The following GRIN2A variants were observed in gnomAD, a reference collection of about 807,000 sequenced individuals.
GRIN2A encodes glutamate ionotropic receptor NMDA type subunit 2A.
GRIN2A carries 22 observed loss-of-function variants against 113.4 expected under a neutral mutation model. That is an observed-to-expected ratio of 0.19 (90% confidence interval 0.14 to 0.28). The LOEUF is 0.28. Among genes scored for constraint, GRIN2A ranks in the 10% least tolerant of loss-of-function variants. GRIN2A has a pLI of 1.00. For synonymous variants in GRIN2A, 827 were observed against 738.4 expected (o/e 1.12, Z -1.94); for missense variants, 1,502 against 1,887.0 (o/e 0.80, Z 3.78).
chr16:9,901,320 A>C (rs9923240), intron 3 of GRIN2A, among the ~76,000 whole-genome samples: 49,070 of 152,010 alleles, frequency 0.32, 9,934 homozygotes, highest in African/African-American at 0.58. Flanking sequence ...TGTGAATTAC[A>C]ACTAGACATC....
At chr16:10,121,136 C>T (rs1217008556) in intron 2 of GRIN2A, among the ~76,000 whole-genome samples, 1 of 152,144 alleles carries the variant, frequency 6.6e-6, no homozygotes, top group East Asian at 1.9e-4. Flanking sequence ...GTGGGGCAAC[C>T]ACAAAGATTG....
chr16:9,981,423 G>GA (rs1396177623), intron 2 of GRIN2A, among the ~76,000 whole-genome samples: 1 of 152,082 alleles, frequency 6.6e-6, no homozygotes, highest in Non-Finnish European at 1.5e-5. Context: ...ATAGAAAACA[G>GA]AAAAAATAGT....
chr16:10,166,991 T>A (rs1184567284), intron 2 of GRIN2A, among the ~76,000 whole-genome samples: 1 of 152,216 alleles, frequency 6.6e-6, no homozygotes, highest in Non-Finnish European at 1.5e-5. Context: ...TTGTATTAAT[T>A]GACTGTCTAT....
chr16:10,165,844 C>T (rs1280158105), intron 2 of GRIN2A, among the ~76,000 whole-genome samples: 1 of 151,584 alleles, frequency 6.6e-6, no homozygotes, highest in East Asian at 1.9e-4. Context: ...AGAGGAAAAA[C>T]TAGTATCAAT....
At chr16:10,053,527 C>T (rs369935837) in intron 2 of GRIN2A, among the ~76,000 whole-genome samples, 4 of 152,150 alleles carry the variant, frequency 2.6e-5, no homozygotes, top group Non-Finnish European at 4.4e-5. Flanking sequence ...CTGTGAGTGA[C>T]GAATGAAGCA....
intron 2 of GRIN2A, among the ~76,000 whole-genome samples, chr16:9,955,446 C>T (rs750510280): frequency 6.6e-5 from 10 of 152,182 alleles, no homozygotes; most frequent in Non-Finnish European, 8.8e-5. Context: ...GGCAAATTTC[C>T]GCTCTTCCAT....
rs1181260387 is a variant in GRIN2A, at chr16:10,180,448, G to A, written c.-18-19C>T. 1.3e-6 allele frequency: 2 copies of A among 1,594,226 alleles called. No homozygotes were observed. The highest frequency in any genetic ancestry group is 1.7e-6 in the Non-Finnish European group (2 of 1,176,044). The stretch of plus-strand genomic sequence containing the variant: ...ACGGTCCCTGCAAGGTGAAGAGTGA[G>A]AGGCAGGGCCGCGGTGAGCAAGGCG... On this transcript the variant is annotated intron_variant, in intron 1 of 12. Transcript: ENST00000330684. This position sits in a 1 kb window ranked among gnomAD's most constrained non-coding sequence, Gnocchi z 7.0.
intron 2 of GRIN2A, among the ~76,000 whole-genome samples, chr16:9,941,361 G>A (rs912302725): frequency 6.6e-6 from 1 of 152,182 alleles, no homozygotes; most frequent in South Asian, 2.1e-4. Flanking sequence ...CATCTTATCT[G>A]GTTCTCTACA....
intron 2 of GRIN2A, among the ~76,000 whole-genome samples, chr16:10,026,840 G>A (rs982494852): frequency 5.9e-5 from 9 of 152,140 alleles, no homozygotes; most frequent in Admixed American, 4.6e-4. Context: ...AGATTCAGGT[G>A]AACGAACCTC....
chr16:10,055,207 G>C (rs1367646911), intron 2 of GRIN2A, among the ~76,000 whole-genome samples: 1 of 149,954 alleles, frequency 6.7e-6, no homozygotes, highest in African/African-American at 2.5e-5. Flanking sequence ...TGTACATATA[G>C]AAAAACACAT....
At chr16:10,080,171 C>A (rs556058354) in intron 2 of GRIN2A, among the ~76,000 whole-genome samples, 1 of 152,352 alleles carries the variant, frequency 6.6e-6, no homozygotes, top group Admixed American at 6.5e-5. Context: ...GGGCTTAGCA[C>A]TGAGATCTGA....
rs200271631 is a variant in GRIN2A at position 9,760,374 on chromosome 16, A to T, written c.*2775T>A. ...AAATTGACCATCTGATCAGTAGTTGATTTTTTTTTTTTTTTTTTTTTTTTG... is the reference window on the plus strand; with the variant it reads ...AAATTGACCATCTGATCAGTAGTTGTTTTTTTTTTTTTTTTTTTTTTTTTG... On this transcript the variant is annotated 3_prime_UTR_variant, in exon 13 of 13. Transcript: ENST00000330684. 1.6e-3 allele frequency: 152 copies of T among 94,050 alleles called. No individual in the cohort carries two copies. The highest frequency in any genetic ancestry group is 3.1e-3 in the Admixed American group (17 of 5,400). 5.8% of individuals were successfully genotyped at this position (94,050 alleles called of 1,614,324 possible).
At position 9,975,962 on chromosome 16, in the gene GRIN2A, A is replaced by C. The variant is rs144118859; in HGVS notation, c.415-37411T>G. Among the ~76,000 whole-genome samples, 480 of 152,338 alleles carry C rather than the reference A, an allele frequency of 3.2e-3. 3 individuals are homozygous for C. The highest frequency in any genetic ancestry group is 0.011 in the African/African-American group (452 of 41,586). ...GGTCAATTCATCAGAAAGATATAAT[A>C]ACCATAAATGTGTATGAACTTAATA... On this transcript the variant is annotated intron_variant, in intron 2 of 12. Transcript: ENST00000330684.
intron 2 of GRIN2A, among the ~76,000 whole-genome samples, chr16:10,015,252 C>CAAAAAAAAAAA (rs200124835): frequency 1.3e-3 from 26 of 19,296 alleles, no homozygotes; most frequent in African/African-American, 2.6e-3. Context: ...GACTTCATCT[C>CAAAAAAAAAAA]AAAAAAAAAA....
intron 10 of GRIN2A, among the ~76,000 whole-genome samples, chr16:9,821,942 T>G (rs1225053336): frequency 6.6e-6 from 1 of 152,238 alleles, no homozygotes; most frequent in Non-Finnish European, 1.5e-5. Context: ...TTTCACTACT[T>G]TAAACTCTTG....
intron 3 of GRIN2A, among the ~76,000 whole-genome samples, chr16:9,909,084 G>C (rs923092252): frequency 6.6e-6 from 1 of 152,174 alleles, no homozygotes; most frequent in Non-Finnish European, 1.5e-5. Context: ...ATAATTCCAT[G>C]TGGCTGGGGA....
intron 10 of GRIN2A, among the ~76,000 whole-genome samples, chr16:9,802,510 G>T (rs988659080): frequency 2.0e-5 from 3 of 152,168 alleles, no homozygotes; most frequent in African/African-American, 2.4e-5. Flanking sequence ...GATGGCCATT[G>T]TCTGCAAGAT....
At chr16:10,060,698 G>A (rs2047537162) in intron 2 of GRIN2A, among the ~76,000 whole-genome samples, 1 of 152,162 alleles carries the variant, frequency 6.6e-6, no homozygotes, top group African/African-American at 2.4e-5. Flanking sequence ...ACTTACAGAT[G>A]AGGAAATTGA....
chr16:9,822,415 G>A lies in GRIN2A; in HGVS notation c.2017C>T (p.Pro673Ser). The change falls in exon 10 of 13, where the codon CCT becomes TCT. Residue 673 changes from proline to serine, a missense_variant. By Grantham distance (74) the Pro-to-Ser change is moderately conservative. Coordinates refer to ENST00000330684, the MANE Select transcript of GRIN2A (RefSeq NM_001134407.3). Reference protein sequence around the residue: ...TGLSDKKFQRPHDYSPPFRFG... With the variant: ...TGLSDKKFQRSHDYSPPFRFG... ...CGAAAAGGTGGGGAATAGTCATGAG[G>A]TCTCTGAAACTGGAGAGAGAACGAG... 6.2e-7 allele frequency: 1 copy of A among 1,608,428 alleles called. No homozygotes were observed. Among genetic ancestry groups the A allele is most frequent in the Non-Finnish European group, 8.5e-7 (1 of 1,174,874 alleles).
Sources: allele counts gnomAD v4.1 joint callset (sites outside exome capture counted in the v4.1 genomes callset), GRCh38; gene constraint gnomAD v4.1.1; non-coding constraint Gnocchi (gnomAD v3.1); transcripts MANE v1.5; gene names NCBI Gene and HGNC (gene_info 2026-07-23, HGNC 2026-07-21).